TMEM182: variants seen among roughly 807,000 people sequenced by gnomAD.
TMEM182 encodes the protein transmembrane protein 182.
TMEM182 carries 20 observed loss-of-function variants against 26.8 expected under a neutral mutation model. The ratio of observed to expected loss-of-function variants is 0.75; its 90% confidence interval spans 0.53 to 1.09. TMEM182 has a LOEUF of 1.09. TMEM182 is among the 50% of genes least tolerant of loss of function. TMEM182 has a pLI of 0.00. For missense variants in TMEM182, 277 were observed against 275.5 expected (o/e 1.01, Z -0.04); for synonymous variants, 109 against 102.2 (o/e 1.07, Z -0.40).
At chr2:102,758,259 C>T (rs915012421), upstream of TMEM182, 1 of 507,740 alleles carries the variant, frequency 2.0e-6, no homozygotes, top group South Asian at 3.2e-5. Context: ...AAGAGAGAAC[C>T]TATGTCTCAG....
chr2:102,773,333 A>G (rs2732846), intron 3 of TMEM182, among the ~76,000 whole-genome samples: 79,346 of 151,736 alleles, frequency 0.52, 21,073 homozygotes, highest in South Asian at 0.62. Context: ...AACCTAAGAC[A>G]TGGACAGGGC....
intron 3 of TMEM182, among the ~76,000 whole-genome samples, chr2:102,832,749 G>T (rs370353242): frequency 6.6e-6 from 1 of 152,110 alleles, no homozygotes. Context: ...TTTTCAGAAA[G>T]CTATTCAGTG....
At position 102,816,982 on chromosome 2, in the gene TMEM182, A is replaced by G; in HGVS notation, c.*2014A>G. 1.0e-6 allele frequency: 1 copy of G among 985,802 alleles called. No individual in the cohort carries two copies. The highest frequency in any genetic ancestry group is 1.2e-6 in the Non-Finnish European group (1 of 829,876). The allele number at this position is 985,802 out of a possible 1,614,324, so 61.1% of individuals were successfully genotyped here. A position where few individuals can be genotyped will look rare whatever the true frequency, so the allele number is the denominator to read the frequency against. ...TATTTTTTATATGACAATTGGCTGA[A>G]TAGCTGATGTGTATGACACTTTTAC... On this transcript the variant is annotated 3_prime_UTR_variant, in exon 5 of 5. Coordinates refer to ENST00000412401, the MANE Select transcript of TMEM182 (RefSeq NM_144632.5).
At chr2:102,784,107 G>T (rs1313936631) in intron 3 of TMEM182, among the ~76,000 whole-genome samples, 2 of 152,160 alleles carry the variant, frequency 1.3e-5, no homozygotes, top group Non-Finnish European at 2.9e-5. Context: ...CAGCCCATCA[G>T]CTGATAGCTA....
Position 102,764,368 on chromosome 2 carries a change from T to C in TMEM182, c.272T>C (p.Leu91Pro). Residue 91 changes from leucine (L) to proline (P), a missense_variant, in exon 3 of 5, where the codon CTG becomes CCG. Leu to Pro is a moderately conservative substitution (Grantham distance 98). Transcript: ENST00000412401. Reference protein sequence around the residue: ...PPSKNCTHAYLSPYPFMRGEH... With the variant: ...PPSKNCTHAYPSPYPFMRGEH... Reference sequence around the variant, plus strand: ...TCCAAGAACTGCACACATGCTTACCTGTCTCCGTACCCCTTCATGAGAGGC... The same window carrying C: ...TCCAAGAACTGCACACATGCTTACCCGTCTCCGTACCCCTTCATGAGAGGC... 1 of 1,614,016 alleles carries C rather than the reference T, an allele frequency of 6.2e-7. No homozygotes were observed. The highest frequency in any genetic ancestry group is 1.3e-5 in the African/African-American group (1 of 75,036).
Position 102,762,369 on chromosome 2 carries a change from T to G in TMEM182, c.132+20T>G. 1 of 1,613,652 alleles carries G rather than the reference T, an allele frequency of 6.2e-7. No homozygotes were observed. Among genetic ancestry groups the G allele is most frequent in the Non-Finnish European group, 8.5e-7 (1 of 1,179,832 alleles). The stretch of plus-strand genomic sequence containing the variant: ...AAGAATGTGAGTCTCTTCTTCAAAA[T>G]AGTGATGCACATGGTAGTTATGAAG... On this transcript the variant is annotated intron_variant, in intron 1 of 4. Transcript: ENST00000412401.
At chr2:102,806,290 T>C (rs1425680052) in intron 4 of TMEM182, among the ~76,000 whole-genome samples, 1 of 152,148 alleles carries the variant, frequency 6.6e-6, no homozygotes, top group Admixed American at 6.5e-5. Context: ...TTTTACTTCC[T>C]AGAAGTAAAG....
At chr2:102,829,627 A>G (rs992380679) in intron 3 of TMEM182, among the ~76,000 whole-genome samples, 1 of 152,180 alleles carries the variant, frequency 6.6e-6, no homozygotes, top group Non-Finnish European at 1.5e-5. Flanking sequence ...ATGAGAAAGT[A>G]TAGGAGCTTT....
At chr2:102,768,570 G>A (rs529800751) in intron 3 of TMEM182, among the ~76,000 whole-genome samples, 1 of 151,548 alleles carries the variant, frequency 6.6e-6, no homozygotes, top group South Asian at 2.1e-4. Context: ...GAGGGGTGGT[G>A]CACATCTGCA....
chr2:102,804,858 C>A (rs1682286357), intron 4 of TMEM182, among the ~76,000 whole-genome samples: 1 of 152,206 alleles, frequency 6.6e-6, no homozygotes, highest in Non-Finnish European at 1.5e-5. Flanking sequence ...TGCACTAGAT[C>A]TGCCTTCTAA....
chr2:102,827,530 C>A (rs1401614725), intron 3 of TMEM182, among the ~76,000 whole-genome samples: 1 of 152,196 alleles, frequency 6.6e-6, no homozygotes, highest in Non-Finnish European at 1.5e-5. Flanking sequence ...TCGAAGCTTC[C>A]TTTTCCTTTG....
intron 1 of TMEM182, among the ~76,000 whole-genome samples, chr2:102,738,144 A>G (rs1038186574): frequency 2.6e-5 from 4 of 152,006 alleles, no homozygotes; most frequent in Admixed American, 2.0e-4. Flanking sequence ...TTTGTGAGTA[A>G]CTCATCTGGG....
rs1021362379 is a variant in TMEM182, at chr2:102,817,133, C to T, written c.*2165C>T. On this transcript the variant is annotated 3_prime_UTR_variant, in exon 5 of 5. Transcript: ENST00000412401. The stretch of plus-strand genomic sequence containing the variant: ...TGAAGGAGAGTTGTGATTGCTATGT[C>T]AATGAGTGAAATATACTTAAAAATG... 1.0e-6 allele frequency: 1 copy of T among 985,210 alleles called. No individual in the cohort carries two copies. Among genetic ancestry groups the T allele is most frequent in the African/African-American group, 1.7e-5 (1 of 57,222 alleles). 61.0% of individuals were successfully genotyped at this position (985,210 alleles called of 1,614,324 possible). A position where few individuals can be genotyped will look rare whatever the true frequency, so the allele number is the denominator to read the frequency against.
intron 4 of TMEM182, among the ~76,000 whole-genome samples, chr2:102,809,695 G>A (rs1682480789): frequency 6.6e-6 from 1 of 152,160 alleles, no homozygotes; most frequent in African/African-American, 2.4e-5. Flanking sequence ...ATCCTCTGTT[G>A]AAAATAGCCA....
chr2:102,776,045 A>G (rs1306930559), intron 3 of TMEM182, among the ~76,000 whole-genome samples: 1 of 152,204 alleles, frequency 6.6e-6, no homozygotes, highest in Non-Finnish European at 1.5e-5. Context: ...AAGACTTTTA[A>G]TGGCAGTTTT....
chr2:102,801,969 A>G (rs1183318738), intron 4 of TMEM182, among the ~76,000 whole-genome samples: 1 of 152,100 alleles, frequency 6.6e-6, no homozygotes, highest in African/African-American at 2.4e-5. Flanking sequence ...AGGGAGAGCT[A>G]CCCTGTTGCG....
chr2:102,838,955 G>A (rs1282789040), intron 3 of TMEM182, among the ~76,000 whole-genome samples: 1 of 152,186 alleles, frequency 6.6e-6, no homozygotes, highest in Non-Finnish European at 1.5e-5. Flanking sequence ...GTTGTACAGA[G>A]TCCTGTATTT....
chr2:102,744,545 A>G (rs1285823590), intron 1 of TMEM182, among the ~76,000 whole-genome samples: 1 of 152,122 alleles, frequency 6.6e-6, no homozygotes, highest in African/African-American at 2.4e-5. Context: ...GACCTATATC[A>G]TATTCTTTCT....
intron 3 of TMEM182, among the ~76,000 whole-genome samples, chr2:102,773,116 T>A (rs533044349): frequency 6.6e-6 from 1 of 152,298 alleles, no homozygotes; most frequent in African/African-American, 2.4e-5. Context: ...TAGCTGGTAA[T>A]TGTGATTAAA....
Sources: allele counts gnomAD v4.1 joint callset (sites outside exome capture counted in the v4.1 genomes callset), GRCh38; gene constraint gnomAD v4.1.1; transcripts MANE v1.5; gene names NCBI Gene and HGNC (gene_info 2026-07-23, HGNC 2026-07-21).